CD34: variants seen among roughly 807,000 people sequenced by gnomAD.
The protein encoded by CD34 is CD34 molecule.
CD34 carries 34 observed loss-of-function variants against 40.1 expected under a neutral mutation model. That is an observed-to-expected ratio of 0.85 (90% CI 0.65 to 1.13). The LOEUF is 1.13. CD34 is among the 50% of genes most tolerant of loss of function. The pLI is 0.00. For missense variants in CD34, 426 were observed against 466.9 expected, an observed-to-expected ratio of 0.91 and a Z score of 0.81; for synonymous variants, 209 against 190.0, an observed-to-expected ratio of 1.10 and a Z score of -0.82.
intron 2 of CD34, 132 bp downstream of exon 2, chr1:207,899,689 T>C (rs1662234516): frequency 2.5e-6 from 2 of 787,220 alleles, no homozygotes; most frequent in South Asian, 3.6e-5. Context: ...CTAAGCATGA[T>C]ACTCAAGTCA....
At chr1:207,903,886 G>C (rs768120335) in intron 1 of CD34, among the ~76,000 whole-genome samples, 1 of 152,140 alleles carries the variant, frequency 6.6e-6, no homozygotes, top group Non-Finnish European at 1.5e-5. Flanking sequence ...TTTATGGTAG[G>C]AGTGAATAGG....
At chr1:207,890,124 A>G (rs1662001635) in intron 4 of CD34, 1 of 1,107,274 alleles carries the variant, frequency 9.0e-7, no homozygotes, top group Middle Eastern at 3.9e-4. Flanking sequence ...AGTCTCAAAA[A>G]GTGCATTGCT....
chr1:207,889,049 C>A (rs1478241191), intron 6 of CD34, 112 bp downstream of exon 6: 12 of 891,840 alleles, frequency 1.3e-5, no homozygotes, highest in Non-Finnish European at 2.1e-5. Context: ...AAGGAGAAGA[C>A]TCAGAGAAGG....
chr1:207,910,958 C>G (rs771789925), intron 1 of CD34, 44 bp downstream of exon 1: 1 of 1,534,586 alleles, frequency 6.5e-7, no homozygotes, highest in Non-Finnish European at 8.8e-7. Flanking sequence ...CTCCACCCTC[C>G]CCGCGGCGAA....
Position 207,898,882 on chromosome 1 carries a change from G to A in CD34, c.516+91C>T, listed in dbSNP as rs949326279. Reference sequence around the variant, plus strand: ...CACATGACCCAAATCCCACTGGCAGGGATGAGGAGAGGGGTGGAGGGAAAG... The same window carrying A: ...CACATGACCCAAATCCCACTGGCAGAGATGAGGAGAGGGGTGGAGGGAAAG... On this transcript the variant is annotated intron_variant, in intron 3 of 7. Transcript: ENST00000310833. 1.8e-5 allele frequency: 24 copies of A among 1,348,130 alleles called. No individual in the cohort carries two copies. In the African/African-American group the frequency reaches 3.3e-4, roughly 19 times the overall value. 83.5% of individuals were successfully genotyped at this position (1,348,130 alleles called of 1,614,324 possible). A position where few individuals can be genotyped will look rare whatever the true frequency, so the allele number is the denominator to read the frequency against.
At chr1:207,910,974 G>A (rs537224462) in intron 1 of CD34, 28 bp downstream of exon 1, 1 of 1,555,658 alleles carries the variant, frequency 6.4e-7, no homozygotes, top group East Asian at 2.4e-5. Context: ...GCGAAGCCAA[G>A]CGGCCGCGGC....
At chr1:207,898,866 C>T (rs1662204948) in intron 3 of CD34, 107 bp downstream of exon 3, 1 of 1,235,356 alleles carries the variant, frequency 8.1e-7, no homozygotes, top group Non-Finnish European at 1.2e-6. Flanking sequence ...CCACATGACC[C>T]AAATCCCACT....
chr1:207,897,597 CA>C, intron 3 of CD34, 24 bp from the exon 4 acceptor site: 1 of 1,527,578 alleles, frequency 6.5e-7, no homozygotes, highest in Non-Finnish European at 8.9e-7. Flanking sequence ...AAAACAATAA[CA>C]AAAACAAAGT....
chr1:207,897,227 A>G (rs1470961962), intron 4 of CD34, among the ~76,000 whole-genome samples: 3 of 152,198 alleles, frequency 2.0e-5, no homozygotes, highest in Non-Finnish European at 4.4e-5. Flanking sequence ...AAAAAGTACT[A>G]TAGAGGAGGG....
At chr1:207,889,114 C>T (rs770173402) in intron 6 of CD34, 47 bp downstream of exon 6, 34 of 1,194,398 alleles carry the variant, frequency 2.8e-5, no homozygotes, top group East Asian at 2.1e-4. Context: ...CAGGGAGCCC[C>T]CCTGCCCCGG....
Position 207,881,436 on chromosome 1 carries a change from G to A in CD34, c.*6302C>T, listed in dbSNP as rs1661801364. On this transcript the variant is annotated 3_prime_UTR_variant, in exon 8 of 8. Coordinates refer to ENST00000310833, the MANE Select transcript of CD34 (RefSeq NM_001025109.2). ...GCGCTTTGGGAGGCTGAGGTGGGTG[G>A]ATCATGAGGTCAGGAGATCGAGACC... is the stretch of plus-strand genomic sequence containing the variant. 1 of 152,146 alleles carries A rather than the reference G, an allele frequency of 6.6e-6. No homozygotes were observed. The highest frequency in any genetic ancestry group is 2.4e-5 in the African/African-American group (1 of 41,406). 9.4% of individuals were successfully genotyped at this position (152,146 alleles called of 1,614,324 possible). A position where few individuals can be genotyped will look rare whatever the true frequency, so the allele number is the denominator to read the frequency against.
chr1:207,892,173 A>G (rs747106751), intron 4 of CD34, among the ~76,000 whole-genome samples: 1 of 152,228 alleles, frequency 6.6e-6, no homozygotes, highest in Non-Finnish European at 1.5e-5. Context: ...CAGACTGGGC[A>G]TCAATCCTTA....
In CD34 at chr1:207,899,979, T is replaced by C; in HGVS notation, c.104A>G (p.Asn35Ser). The change falls in exon 2 of 8, where the codon AAC becomes AGC. Residue 35 changes from asparagine (N) to serine (S), a missense_variant. Coordinates refer to ENST00000310833, the MANE Select transcript of CD34 (RefSeq NM_001025109.2). ...TAACTCTGGGGTAGCAGTACCGTTG[T>C]TGTCAAGACTCATGAACCCAGAAGC... ...LLPSGFMSLD[N>S]NGTATPELPT... The C allele has an allele frequency of 1.2e-6, 2 of 1,611,848 alleles. No homozygotes were observed. The highest frequency in any genetic ancestry group is 1.7e-6 in the Non-Finnish European group (2 of 1,178,824).
In CD34 at chr1:207,899,827, T is replaced by G. The variant is rs761408025; in HGVS notation, c.256A>C (p.Ile86Leu). Residue 86 changes from isoleucine (I) to leucine (L), a missense_variant, in exon 2 of 8, where the codon ATC (isoleucine) becomes CTC (leucine). Transcript: ENST00000310833. ...SQHGNEATTNITETTVKFTST... is the reference protein window; with the variant it reads ...SQHGNEATTNLTETTVKFTST... ...ACACAAATGCTGTTTTTACCTGTGA[T>G]GTTTGTTGTGGCCTCATTGCCATGT... 1 of 1,609,746 alleles carries G rather than the reference T, an allele frequency of 6.2e-7. No homozygotes were observed. The highest frequency in any genetic ancestry group is 8.5e-7 in the Non-Finnish European group (1 of 1,178,228).
At chr1:207,905,036 T>G (rs1662348252) in intron 1 of CD34, among the ~76,000 whole-genome samples, 1 of 152,232 alleles carries the variant, frequency 6.6e-6, no homozygotes, top group Non-Finnish European at 1.5e-5. Context: ...TCTAGTGTTA[T>G]TTCATCTAGA....
intron 4 of CD34, chr1:207,890,332 A>T: frequency 1.7e-6 from 1 of 592,690 alleles, no homozygotes. Context: ...CTCCAATCAG[A>T]GTGTCCTCCT....
chr1:207,911,020 A>C lies in CD34; in HGVS notation c.61T>G (p.Cys21Gly), dbSNP rs1662504084. ...PRMPRGWTAL[C>G]LLSLLPSGFM... ...TACTCACGCAGCAAACTCAGCAAGC[A>C]AAGCGCGGTCCAGCCCCGCGGCATC... Residue 21 changes from cysteine to glycine, a missense_variant, in exon 1 of 8, where the codon TGC becomes GGC. Physicochemically the swap from Cys to Gly is radical, Grantham distance 159 (BLOSUM62 -3). Coordinates refer to ENST00000310833, the MANE Select transcript of CD34 (RefSeq NM_001025109.2). 6.3e-7 allele frequency: 1 copy of C among 1,592,582 alleles called. No individual in the cohort carries two copies. The highest frequency in any genetic ancestry group is 8.5e-7 in the Non-Finnish European group (1 of 1,172,548).
At chr1:207,902,762 T>C (rs1662299064) in intron 1 of CD34, among the ~76,000 whole-genome samples, 1 of 152,118 alleles carries the variant, frequency 6.6e-6, no homozygotes, top group South Asian at 2.1e-4. Context: ...TTTGAACTTT[T>C]CCAGATGTGG....
chr1:207,900,996 CT>C lies in CD34; in HGVS notation c.80-994del, dbSNP rs34109724. Among the ~76,000 whole-genome samples, 212 of 134,684 alleles carry C rather than the reference CT, an allele frequency of 1.6e-3. 1 individual carries two copies. Among genetic ancestry groups the C allele is most frequent in the East Asian group, 0.014 (64 of 4,616 alleles). The allele number at this position is 134,684 out of a possible 152,430, so 88.4% of individuals were successfully genotyped here. ...TCTTCTGTATATCCTGGGATACATA[CT>C]TTTTTTTTTTTTTTTTTAAGACAGG... On this transcript the variant is annotated intron_variant, in intron 1 of 7. Coordinates refer to ENST00000310833, the MANE Select transcript of CD34 (RefSeq NM_001025109.2).
Sources: allele counts gnomAD v4.1 joint callset (sites outside exome capture counted in the v4.1 genomes callset), GRCh38; gene constraint gnomAD v4.1.1; transcripts MANE v1.5; gene names NCBI Gene and HGNC (gene_info 2026-07-23, HGNC 2026-07-21).